ARID4B: variants seen among roughly 807,000 people sequenced by gnomAD.
The protein encoded by ARID4B is AT-rich interaction domain 4B, also known as AT-rich interactive domain-containing protein 4B.
A neutral mutation model predicts 147.5 loss-of-function variants in ARID4B; 26 were observed. The ratio of observed to expected loss-of-function variants is 0.18; its 90% CI spans 0.13 to 0.24. The LOEUF (loss-of-function observed/expected upper bound fraction) is 0.24. Among genes scored for constraint, ARID4B ranks in the 10% least tolerant of loss-of-function variants. The pLI, the probability that ARID4B is intolerant of heterozygous loss-of-function variation, is 1.00. For missense variants in ARID4B, 1,179 were observed against 1,511.5 expected (o/e 0.78, Z 3.65); for synonymous variants, 512 against 507.9 (o/e 1.01, Z -0.11).
At chr1:235,325,254 A>G (rs1675140010) in intron 2 of ARID4B, among the ~76,000 whole-genome samples, 1 of 152,148 alleles carries the variant, frequency 6.6e-6, no homozygotes, top group South Asian at 2.1e-4. Context: ...CTGAGCACTT[A>G]AAATTAGTAT....
At chr1:235,174,796 G>A (rs1397680368) in intron 22 of ARID4B, among the ~76,000 whole-genome samples, 1 of 151,320 alleles carries the variant, frequency 6.6e-6, no homozygotes, top group African/African-American at 2.4e-5. Flanking sequence ...TAGCCTGGGC[G>A]ACAGAGAGAC....
intron 2 of ARID4B, among the ~76,000 whole-genome samples, chr1:235,316,692 G>A (rs1187902160): frequency 2.0e-5 from 3 of 151,928 alleles, no homozygotes; most frequent in Non-Finnish European, 4.4e-5. Flanking sequence ...GGTGGCAGGC[G>A]CCTGTAATCC....
intron 2 of ARID4B, among the ~76,000 whole-genome samples, chr1:235,282,196 C>A (rs923197738): frequency 6.6e-6 from 1 of 152,190 alleles, no homozygotes; most frequent in Non-Finnish European, 1.5e-5. Flanking sequence ...CATCCCTTAG[C>A]CCTGTGATAC....
In ARID4B at chr1:235,313,055, A is replaced by T. The variant is rs982642905; in HGVS notation, c.6+13859T>A. On this transcript the variant is annotated intron_variant, in intron 2 of 23. Coordinates refer to ENST00000264183, the MANE Select transcript of ARID4B (RefSeq NM_016374.6). Reference sequence around the variant, plus strand: ...ATAAAACTGAAAATGTGAAAAGTTGAATTTTTGAGATGCAGTCTCATTCTA... The same window carrying T: ...ATAAAACTGAAAATGTGAAAAGTTGTATTTTTGAGATGCAGTCTCATTCTA... Among the ~76,000 whole-genome samples, 5 of 152,224 alleles carry T rather than the reference A, an allele frequency of 3.3e-5. No homozygotes were observed. In the South Asian group the frequency reaches 1.0e-3, roughly 32 times the overall value.
At chr1:235,286,024 A>C (rs1671942324) in intron 2 of ARID4B, among the ~76,000 whole-genome samples, 2 of 149,448 alleles carry the variant, frequency 1.3e-5, no homozygotes, top group South Asian at 2.2e-4. Flanking sequence ...GCTCATTCAC[A>C]CATTTGTTTC....
intron 2 of ARID4B, among the ~76,000 whole-genome samples, chr1:235,321,103 A>G (rs1420663977): frequency 6.6e-6 from 1 of 152,238 alleles, no homozygotes; most frequent in Non-Finnish European, 1.5e-5. Context: ...AGGAAAGTAC[A>G]CAATGTGTTC....
At chr1:235,173,894 A>C (rs989131151) in intron 22 of ARID4B, among the ~76,000 whole-genome samples, 4 of 147,310 alleles carry the variant, frequency 2.7e-5, no homozygotes, top group Non-Finnish European at 6.0e-5. Flanking sequence ...AAGTATAGAG[A>C]GAAGGATAGT....
intron 19 of ARID4B, among the ~76,000 whole-genome samples, chr1:235,185,975 CTTT>C (rs35784051): frequency 7.0e-6 from 1 of 143,448 alleles, no homozygotes; most frequent in African/African-American, 2.6e-5. Context: ...TAGTTATTTG[CTTT>C]TTTTTTTTTT....
intron 19 of ARID4B, among the ~76,000 whole-genome samples, chr1:235,189,185 G>T (rs1664900409): frequency 6.6e-6 from 1 of 152,054 alleles, no homozygotes; most frequent in Non-Finnish European, 1.5e-5. Flanking sequence ...TGGATCACAA[G>T]GTCAGGAGTT....
intron 2 of ARID4B, among the ~76,000 whole-genome samples, chr1:235,286,478 T>C (rs1469272143): frequency 2.0e-5 from 3 of 152,224 alleles, no homozygotes; most frequent in African/African-American, 4.8e-5. Context: ...AGTTAACTAC[T>C]ATGGTCAGAT....
chr1:235,227,360 C>T (rs1351324591), intron 11 of ARID4B, among the ~76,000 whole-genome samples: 3 of 152,164 alleles, frequency 2.0e-5, no homozygotes, highest in East Asian at 1.9e-4. Flanking sequence ...CTGATTTTAG[C>T]AATTTAAATA....
chr1:235,226,028 A>T (rs1667805678), intron 11 of ARID4B, among the ~76,000 whole-genome samples: 1 of 152,218 alleles, frequency 6.6e-6, no homozygotes, highest in African/African-American at 2.4e-5. Context: ...ATGTTATCTT[A>T]AATGTTCCCA....
At chr1:235,301,897 T>C (rs982783887) in intron 2 of ARID4B, among the ~76,000 whole-genome samples, 8 of 151,620 alleles carry the variant, frequency 5.3e-5, no homozygotes, top group Non-Finnish European at 1.0e-4. Context: ...GTGTTTTTAG[T>C]AGAGAGGGGG....
chr1:235,327,025 G>A (rs1675324205), intron 1 of ARID4B, 57 bp from the exon 2 acceptor site: 2 of 1,191,624 alleles, frequency 1.7e-6, no homozygotes, highest in Non-Finnish European at 2.5e-6. Flanking sequence ...CTGCACTGGC[G>A]GAGGCGGAGG....
rs528782119 is a variant in ARID4B at position 235,250,673 on chromosome 1, C to T, written c.354+2057G>A. On this transcript the variant is annotated intron_variant, in intron 6 of 23. Transcript: ENST00000264183. ...GTACCTAGCACTACACAGCTCCGGG[C>T]ACATGGGAAGGGAATTGAAGAATCA... 6.6e-5 allele frequency among the ~76,000 whole-genome samples: 10 copies of T among 152,096 alleles called. No individual in the cohort carries two copies. The South Asian group carries it at 1.7e-3, about 25-fold the overall frequency.
chr1:235,284,238 T>C (rs183443203), intron 2 of ARID4B, among the ~76,000 whole-genome samples: 1 of 152,256 alleles, frequency 6.6e-6, no homozygotes, highest in Admixed American at 6.5e-5. Context: ...CAGGCACCTG[T>C]AATCTCAGCT....
chr1:235,285,864 T>C (rs1342640932), intron 2 of ARID4B, among the ~76,000 whole-genome samples: 2 of 152,216 alleles, frequency 1.3e-5, no homozygotes, highest in Non-Finnish European at 2.9e-5. Context: ...TTTAGAGATC[T>C]GGCAGAGAGT....
intron 20 of ARID4B, chr1:235,180,140 T>TTC (rs1664214635): frequency 2.8e-5 from 2 of 72,342 alleles, no homozygotes; most frequent in Non-Finnish European, 3.6e-5. Flanking sequence ...GTTTTTTCTT[T>TTC]TTTTTTTTTT....
At chr1:235,260,618 T>C in intron 3 of ARID4B, 24 bp downstream of exon 3, 2 of 1,507,880 alleles carry the variant, frequency 1.3e-6, no homozygotes, top group Non-Finnish European at 9.0e-7. Context: ...AACATACAAT[T>C]TATGAAATCT....
Sources: allele counts gnomAD v4.1 joint callset (sites outside exome capture counted in the v4.1 genomes callset), GRCh38; gene constraint gnomAD v4.1.1; transcripts MANE v1.5; gene names NCBI Gene and HGNC (gene_info 2026-07-23, HGNC 2026-07-21).